TRDMT1: variants seen among roughly 807,000 people sequenced by gnomAD.
TRDMT1 encodes tRNA (cytosine(38)-C(5))-methyltransferase.
TRDMT1 carries 49 observed loss-of-function variants against 51.2 expected under a neutral mutation model. The ratio of observed to expected loss-of-function variants is 0.96; its 90% CI spans 0.76 to 1.21. The LOEUF (loss-of-function observed/expected upper bound fraction) is 1.21, where lower values mean the gene tolerates loss of function less well. Ranked by LOEUF, TRDMT1 falls within the 50% of genes most tolerant of loss-of-function variation. TRDMT1 has a pLI of 0.00. For missense variants in TRDMT1, 534 were observed against 462.3 expected, an observed-to-expected ratio of 1.16 and a Z score of -1.42; for synonymous variants, 187 against 164.6, an observed-to-expected ratio of 1.14 and a Z score of -1.04.
At chr10:17,199,389 T>G (rs758709721) in intron 1 of TRDMT1, among the ~76,000 whole-genome samples, 3 of 151,914 alleles carry the variant, frequency 2.0e-5, no homozygotes, top group Non-Finnish European at 2.9e-5. Context: ...AGTGAAAAAG[T>G]CTGGGGTTAG....
intron 6 of TRDMT1, among the ~76,000 whole-genome samples, chr10:17,159,512 A>G (rs1266406486): frequency 1.3e-5 from 2 of 152,172 alleles, no homozygotes. Flanking sequence ...CGTAGTATAG[A>G]TATTTTTACA....
chr10:17,160,198 T>A, intron 6 of TRDMT1, 107 bp downstream of exon 6: 1 of 658,090 alleles, frequency 1.5e-6, no homozygotes, highest in Non-Finnish European at 2.4e-6. Flanking sequence ...AGTTTACCTA[T>A]AATATTATCC....
chr10:17,153,499 C>T lies in TRDMT1; in HGVS notation c.1075+8G>A. The T allele has an allele frequency of 6.2e-7, 1 of 1,613,708 alleles. No homozygotes were observed. The highest frequency in any genetic ancestry group is 8.5e-7 in the Non-Finnish European group (1 of 1,179,836). ...ATGAAAGCTGAATTCTGCACGTATC[C>T]CACATACCGAACTCTGGAGGAAATC... is the stretch of plus-strand genomic sequence containing the variant. On this transcript the variant is annotated splice_region_variant and intron_variant, in intron 10 of 10. Coordinates refer to ENST00000377799, the MANE Select transcript of TRDMT1 (RefSeq NM_004412.7).
intron 10 of TRDMT1, among the ~76,000 whole-genome samples, chr10:17,152,276 A>G (rs1057263062): frequency 1.3e-5 from 2 of 152,206 alleles, no homozygotes; most frequent in Admixed American, 6.5e-5. Flanking sequence ...TGGGACAAAA[A>G]TGAGATCACC....
intron 1 of TRDMT1, among the ~76,000 whole-genome samples, chr10:17,184,448 T>C (rs1002120715): frequency 6.6e-6 from 1 of 151,098 alleles, no homozygotes; most frequent in African/African-American, 2.4e-5. Context: ...TATAGTATAA[T>C]ATATATAATA....
chr10:17,154,656 G>C, intron 9 of TRDMT1, 21 bp downstream of exon 9: 2 of 1,556,686 alleles, frequency 1.3e-6, no homozygotes. Flanking sequence ...AAGTGTTTTA[G>C]CTTTAAAACA....
At chr10:17,174,420 T>A in intron 2 of TRDMT1, 131 bp downstream of exon 2, 1 of 578,104 alleles carries the variant, frequency 1.7e-6, no homozygotes, top group Non-Finnish European at 3.0e-6. Context: ...AATGTTAATC[T>A]CCTTCTCCTG....
In TRDMT1 at chr10:17,143,121, A is replaced by G. The variant is rs1263788267; in HGVS notation, c.*5919T>C. ...GGCATGGAAGAAGTGGCAGTAACAG[A>G]CAAATTAAATAGTTTTCAAGAGAAC... On this transcript the variant is annotated 3_prime_UTR_variant, in exon 11 of 11. Transcript: ENST00000377799. 1 of 985,336 alleles carries G rather than the reference A, an allele frequency of 1.0e-6. No homozygotes were observed. The highest frequency in any genetic ancestry group is 1.7e-5 in the African/African-American group (1 of 57,228). The allele number at this position is 985,336 out of a possible 1,614,324, so 61.0% of individuals were successfully genotyped here.
chr10:17,178,208 A>T (rs1043492551), intron 1 of TRDMT1, among the ~76,000 whole-genome samples: 1 of 152,186 alleles, frequency 6.6e-6, no homozygotes, highest in Non-Finnish European at 1.5e-5. Context: ...ACTGACATCT[A>T]GTTGTAAGAT....
chr10:17,151,748 G>A (rs970156613), intron 10 of TRDMT1: 108 of 815,172 alleles, frequency 1.3e-4, no homozygotes, highest in Non-Finnish European at 1.6e-4. Flanking sequence ...GTAAATACAT[G>A]GCTCATTCTA....
intron 1 of TRDMT1, among the ~76,000 whole-genome samples, chr10:17,179,175 G>A (rs542056278): frequency 4.7e-4 from 71 of 152,236 alleles, no homozygotes; most frequent in Non-Finnish European, 7.1e-4. Context: ...TAATCTTTCC[G>A]GAACGTCTCT....
At chr10:17,170,934 TACTC>T (rs1841898800) in intron 2 of TRDMT1, among the ~76,000 whole-genome samples, 1 of 152,222 alleles carries the variant, frequency 6.6e-6, no homozygotes, top group African/African-American at 2.4e-5. Context: ...TTTTCCGGCA[TACTC>T]AATCACATTT....
In TRDMT1 at chr10:17,150,718, T is replaced by C. The variant is rs571428126; in HGVS notation, c.1076-1578A>G. The C allele has an allele frequency of 3.8e-5, 37 of 984,884 alleles. No individual in the cohort carries two copies. In the South Asian group the frequency reaches 1.6e-3, roughly 43 times the overall value. The allele number at this position is 984,884 out of a possible 1,614,324, so 61.0% of individuals were successfully genotyped here. ...AAGGTAGAATTAGTTACAATAAAGT[T>C]GCTTCATTGACACTTGACATTTTAT... On this transcript the variant is annotated intron_variant, in intron 10 of 10. Coordinates refer to ENST00000377799, the MANE Select transcript of TRDMT1 (RefSeq NM_004412.7).
rs769927886 is a variant in TRDMT1, at chr10:17,141,271, C to G, written c.*7769G>C. Among the ~76,000 whole-genome samples, 1 of 152,216 alleles carries G rather than the reference C, an allele frequency of 6.6e-6. No individual in the cohort carries two copies. Among genetic ancestry groups the G allele is most frequent in the Non-Finnish European group, 1.5e-5 (1 of 68,042 alleles). On this transcript the variant is annotated 3_prime_UTR_variant, in exon 11 of 11. Transcript: ENST00000377799. ...TCCGCTCCTGGGTTCAAGCCATTCC[C>G]CTGCCTCAGCCTCCCGAGTAGCTGG...
rs535312543 is a variant in TRDMT1, at chr10:17,166,053, T to C, written c.251+2788A>G. Among the ~76,000 whole-genome samples, 224 of 152,232 alleles carry C rather than the reference T, an allele frequency of 1.5e-3. 1 individual carries two copies. Among genetic ancestry groups the C allele is most frequent in the African/African-American group, 5.2e-3 (216 of 41,536 alleles). On this transcript the variant is annotated intron_variant, in intron 3 of 10. Coordinates refer to ENST00000377799, the MANE Select transcript of TRDMT1 (RefSeq NM_004412.7). ...CCCAAAGGATTATAAATCGTGCTGCTATAAAGACACATGCACACGTATGTT... is the reference window on the plus strand; with the variant it reads ...CCCAAAGGATTATAAATCGTGCTGCCATAAAGACACATGCACACGTATGTT...
intron 1 of TRDMT1, among the ~76,000 whole-genome samples, chr10:17,195,151 A>G (rs1289222640): frequency 6.6e-6 from 1 of 152,216 alleles, no homozygotes; most frequent in Non-Finnish European, 1.5e-5. Context: ...CATTCTACCA[A>G]AAAGACACAT....
chr10:17,199,601 T>C (rs955337487), intron 1 of TRDMT1, among the ~76,000 whole-genome samples: 1 of 152,078 alleles, frequency 6.6e-6, no homozygotes, highest in Admixed American at 6.6e-5. Context: ...GCAGATAAAA[T>C]TGAAGAGAAG....
Position 17,160,389 on chromosome 10 carries a change from A to G in TRDMT1, c.390-15T>C. 6.8e-7 allele frequency: 1 copy of G among 1,478,464 alleles called. No individual in the cohort carries two copies. Among genetic ancestry groups the G allele is most frequent in the Non-Finnish European group, 9.1e-7 (1 of 1,102,854 alleles). 91.6% of individuals were successfully genotyped at this position (1,478,464 alleles called of 1,614,324 possible). ...TCAAGAGGTCTCTAAAAAGAAAAAA[A>G]AAAAACTTTAATTCTTACTTGGAAA... On this transcript the variant is annotated splice_polypyrimidine_tract_variant and intron_variant, in intron 5 of 10. Transcript: ENST00000377799.
intron 3 of TRDMT1, among the ~76,000 whole-genome samples, chr10:17,165,577 C>G (rs962457425): frequency 1.3e-5 from 2 of 152,140 alleles, no homozygotes; most frequent in African/African-American, 4.8e-5. Flanking sequence ...TCAGAATGAA[C>G]AGGCAACCTA....
Sources: gnomAD v4.1 joint callset for allele counts (sites outside exome capture counted in the v4.1 genomes callset) on GRCh38, gnomAD v4.1.1 for gene constraint, MANE v1.5 for transcripts, NCBI Gene and HGNC (gene_info 2026-07-23, HGNC 2026-07-21) for gene names.